EPHA3: variants seen among roughly 807,000 people sequenced by gnomAD.
EPHA3 encodes the protein ephrin type-A receptor 3.
A neutral mutation model predicts 107.1 loss-of-function variants in EPHA3; 42 were observed. The observed-to-expected ratio is 0.39, with a 90% CI of 0.31 to 0.51. The LOEUF (loss-of-function observed/expected upper bound fraction) is 0.51. Ranked by LOEUF, EPHA3 falls within the 20% of genes least tolerant of loss-of-function variation. The pLI is 0.78. For missense variants in EPHA3, 1,183 were observed against 1,211.2 expected, an observed-to-expected ratio of 0.98 and a Z score of 0.35; for synonymous variants, 461 against 424.8, an observed-to-expected ratio of 1.09 and a Z score of -1.05.
chr3:89,224,798 A>G (rs1215594220), intron 3 of EPHA3, among the ~76,000 whole-genome samples: 1 of 151,990 alleles, frequency 6.6e-6, no homozygotes. Context: ...GCAGTGAGAC[A>G]AGATCATGTC....
chr3:89,214,190 G>C (rs1308919009), intron 3 of EPHA3, among the ~76,000 whole-genome samples: 3 of 151,870 alleles, frequency 2.0e-5, no homozygotes, highest in Non-Finnish European at 4.4e-5. Flanking sequence ...AAGTGTTTGA[G>C]GGCTTGGGCT....
intron 5 of EPHA3, among the ~76,000 whole-genome samples, chr3:89,364,447 CT>C (rs939845412): frequency 1.3e-5 from 2 of 151,044 alleles, no homozygotes; most frequent in African/African-American, 4.8e-5. Flanking sequence ...TCAACAAGCA[CT>C]TGGGAAGTTC....
intron 2 of EPHA3, among the ~76,000 whole-genome samples, chr3:89,192,600 T>A (rs1705746708): frequency 6.6e-6 from 1 of 152,200 alleles, no homozygotes; most frequent in African/African-American, 2.4e-5. Flanking sequence ...ACCAAAATAT[T>A]TGCCTTCTGG....
intron 2 of EPHA3, among the ~76,000 whole-genome samples, chr3:89,162,321 A>G (rs371328984): frequency 1.3e-5 from 2 of 152,204 alleles, no homozygotes; most frequent in African/African-American, 4.8e-5. Context: ...ATTAGATCAG[A>G]AGAAATAAAG....
intron 5 of EPHA3, among the ~76,000 whole-genome samples, chr3:89,385,748 A>G (rs116133562): frequency 0.016 from 2,441 of 152,280 alleles, 69 homozygotes; most frequent in African/African-American, 0.055. Flanking sequence ...CAATTTGGAA[A>G]ACTCAGAAGA....
intron 3 of EPHA3, among the ~76,000 whole-genome samples, chr3:89,318,290 T>A (rs1706957973): frequency 6.6e-6 from 1 of 151,926 alleles, no homozygotes; most frequent in Non-Finnish European, 1.5e-5. Context: ...TTACTGTCTT[T>A]TTCCTGAGAC....
Position 89,107,653 on chromosome 3 carries a change from G to C in EPHA3, c.-96G>C. The C allele has an allele frequency of 1.8e-6, 2 of 1,141,214 alleles. No homozygotes were observed. Among genetic ancestry groups the C allele is most frequent in the Non-Finnish European group, 2.6e-6 (2 of 766,554 alleles). The allele number at this position is 1,141,214 out of a possible 1,614,324, so 70.7% of individuals were successfully genotyped here. On this transcript the variant is annotated 5_prime_UTR_variant, in exon 1 of 17. Coordinates refer to ENST00000336596, the MANE Select transcript of EPHA3 (RefSeq NM_005233.6). The stretch of plus-strand genomic sequence containing the variant: ...AACTTGACATCAGCCTGCGAGCGGA[G>C]CATGGTAACTTCTCCAGCAATCAGA...
At chr3:89,422,192 AACACAC>A (rs56370135) in intron 11 of EPHA3, among the ~76,000 whole-genome samples, 1,892 of 140,536 alleles carry the variant, frequency 0.013, 12 homozygotes, top group Middle Eastern at 0.025. Context: ...TGTTGTATTT[AACACAC>A]ACACACACAC....
intron 2 of EPHA3, among the ~76,000 whole-genome samples, chr3:89,138,086 G>T (rs1704353997): frequency 6.6e-6 from 1 of 151,922 alleles, no homozygotes; most frequent in Admixed American, 6.6e-5. Context: ...AAGATATTCA[G>T]CTGCTGCTTG....
intron 3 of EPHA3, among the ~76,000 whole-genome samples, chr3:89,264,277 C>G (rs58286045): frequency 0.053 from 8,062 of 152,088 alleles, 724 homozygotes; most frequent in African/African-American, 0.18. Flanking sequence ...ATTCTCATAG[C>G]GGGAAACTGG....
intron 2 of EPHA3, among the ~76,000 whole-genome samples, chr3:89,158,924 T>C (rs1704862741): frequency 1.3e-5 from 2 of 152,108 alleles, no homozygotes; most frequent in African/African-American, 4.8e-5. Flanking sequence ...ATGCATGTAT[T>C]TGGGGAAGAA....
At chr3:89,316,283 G>A (rs1706897360) in intron 3 of EPHA3, among the ~76,000 whole-genome samples, 1 of 151,146 alleles carries the variant, frequency 6.6e-6, no homozygotes, top group Admixed American at 6.6e-5. Flanking sequence ...CATCCATATT[G>A]CCAGCTTTAT....
At chr3:89,300,008 C>T (rs955216214) in intron 3 of EPHA3, among the ~76,000 whole-genome samples, 1 of 151,754 alleles carries the variant, frequency 6.6e-6, no homozygotes, top group African/African-American at 2.4e-5. Flanking sequence ...CATGATTTGG[C>T]CACTAAGCCA....
chr3:89,299,500 T>C (rs1244695720), intron 3 of EPHA3, among the ~76,000 whole-genome samples: 3 of 151,918 alleles, frequency 2.0e-5, no homozygotes, highest in African/African-American at 7.2e-5. Flanking sequence ...AACGGCATCA[T>C]CATAAAATAT....
At chr3:89,177,047 T>C (rs1241783732) in intron 2 of EPHA3, among the ~76,000 whole-genome samples, 3 of 152,072 alleles carry the variant, frequency 2.0e-5, no homozygotes, top group Non-Finnish European at 2.9e-5. Context: ...CTTACTTATA[T>C]GTAGCATAGC....
At chr3:89,346,593 C>A (rs865990204) in intron 5 of EPHA3, among the ~76,000 whole-genome samples, 2 of 150,076 alleles carry the variant, frequency 1.3e-5, no homozygotes, top group East Asian at 3.9e-4. Context: ...ATGGTAGTTT[C>A]TTTTGCTGTG....
At chr3:89,150,698 A>G (rs1234728538) in intron 2 of EPHA3, among the ~76,000 whole-genome samples, 1 of 152,136 alleles carries the variant, frequency 6.6e-6, no homozygotes, top group Non-Finnish European at 1.5e-5. Flanking sequence ...CAGTTTTTCC[A>G]TAGCATTAAT....
chr3:89,300,372 G>A (rs963863501), intron 3 of EPHA3, among the ~76,000 whole-genome samples: 6 of 151,870 alleles, frequency 4.0e-5, no homozygotes, highest in African/African-American at 1.2e-4. Flanking sequence ...TAAAGTATAT[G>A]TTTCAAACTT....
chr3:89,421,056 C>G lies in EPHA3; in HGVS notation c.2074+1666C>G, dbSNP rs192865263. Reference sequence around the variant, plus strand: ...CTTGTTCTGTTCATTTCACCCCATCCCCAACTCTGAACCCAAACAGGTTTC... The same window carrying G: ...CTTGTTCTGTTCATTTCACCCCATCGCCAACTCTGAACCCAAACAGGTTTC... On this transcript the variant is annotated intron_variant, in intron 11 of 16. Transcript: ENST00000336596. 2.1e-3 allele frequency among the ~76,000 whole-genome samples: 318 copies of G among 151,438 alleles called. 2 individuals are homozygous for G. The highest frequency in any genetic ancestry group is 6.8e-3 in the Middle Eastern group (2 of 294).
Sources: gnomAD v4.1 joint callset for allele counts (sites outside exome capture counted in the v4.1 genomes callset) on GRCh38, gnomAD v4.1.1 for gene constraint, MANE v1.5 for transcripts, NCBI Gene and HGNC (gene_info 2026-07-23, HGNC 2026-07-21) for gene names.